Variants in UAP1L1 observed in about 807,000 individuals in gnomAD.
UAP1L1 encodes UDP-N-acetylglucosamine pyrophosphorylase 1 like 1, also known as UDP-N-acetylhexosamine pyrophosphorylase-like protein 1.
A neutral mutation model predicts 45.3 loss-of-function variants in UAP1L1; 45 were observed. The ratio of observed to expected loss-of-function variants is 0.99; its 90% CI spans 0.78 to 1.27. UAP1L1 has a LOEUF of 1.27. Among genes scored for constraint, UAP1L1 ranks in the 50% most tolerant of loss-of-function variants. UAP1L1 has a pLI of 0.00. For synonymous variants in UAP1L1, 323 were observed against 303.9 expected, an observed-to-expected ratio of 1.06 and a Z score of -0.65; for missense variants, 667 against 694.0, an observed-to-expected ratio of 0.96 and a Z score of 0.44.
chr9:137,081,600 A>G (rs915218321), intron 7 of UAP1L1, among the ~76,000 whole-genome samples: 1 of 152,122 alleles, frequency 6.6e-6, no homozygotes, highest in African/African-American at 2.4e-5. Flanking sequence ...TAGGGGATCC[A>G]TCACCCAACC....
chr9:137,077,885 G>C lies in UAP1L1; in HGVS notation c.289+64G>C. ...CGTGCCCACGGAGCGGGTGGGAACC[G>C]AGGCCGCGCTCGGGGAACTGTAGTT... is the stretch of plus-strand genomic sequence containing the variant. On this transcript the variant is annotated intron_variant, in intron 1 of 8. Coordinates refer to ENST00000409858, the MANE Select transcript of UAP1L1 (RefSeq NM_207309.3). The surrounding 1 kb of genome is among the most constrained non-coding windows in gnomAD (Gnocchi z 4.7). 6.8e-7 allele frequency: 1 copy of C among 1,465,012 alleles called. No homozygotes were observed. Among genetic ancestry groups the C allele is most frequent in the Middle Eastern group, 2.5e-4 (1 of 4,052 alleles). The allele number at this position is 1,465,012 out of a possible 1,614,324, so 90.8% of individuals were successfully genotyped here.
chr9:137,079,275 C>T lies in UAP1L1; in HGVS notation c.863C>T (p.Pro288Leu), dbSNP rs138914544. The part of the protein sequence containing the change: ...CGAKVVEKAY[P>L]EEPVGVVCQV... ...CTGCAGGTGGTGGAAAAGGCATACC[C>T]CGAGGAGCCCGTGGGCGTGGTGTGC... The change falls in exon 5 of 9, where the codon CCC (proline) becomes CTC (leucine). Residue 288 changes from proline (P) to leucine (L), a missense_variant. Pro to Leu is a moderately conservative substitution (Grantham distance 98). Coordinates refer to ENST00000409858, the MANE Select transcript of UAP1L1 (RefSeq NM_207309.3). 27 of 1,611,236 alleles carry T rather than the reference C, an allele frequency of 1.7e-5. No homozygotes were observed. The highest frequency in any genetic ancestry group is 1.6e-4 in the Middle Eastern group (1 of 6,068).
In UAP1L1 at chr9:137,082,515, C is replaced by T. The variant is rs1832805245; in HGVS notation, c.1432-122C>T. 1 of 789,720 alleles carries T rather than the reference C, an allele frequency of 1.3e-6. No homozygotes were observed. Among genetic ancestry groups the T allele is most frequent in the Non-Finnish European group, 2.1e-6 (1 of 480,758 alleles). The allele number at this position is 789,720 out of a possible 1,614,324, so 48.9% of individuals were successfully genotyped here. A position where few individuals can be genotyped will look rare whatever the true frequency, so the allele number is the denominator to read the frequency against. The stretch of plus-strand genomic sequence containing the variant: ...GGCCCTGGAAGCCTTTCTGTCCCCA[C>T]CCCTCCCTGACTCCAGGCAGACCTG... On this transcript the variant is annotated intron_variant, in intron 8 of 8. Coordinates refer to ENST00000409858, the MANE Select transcript of UAP1L1 (RefSeq NM_207309.3). This position sits in a 1 kb window ranked among gnomAD's most constrained non-coding sequence, Gnocchi z 5.7.
chr9:137,080,169 C>G, intron 6 of UAP1L1, 27 bp downstream of exon 6: 1 of 1,611,540 alleles, frequency 6.2e-7, no homozygotes, highest in Non-Finnish European at 8.5e-7. Flanking sequence ...ATTTATTTTC[C>G]CCTTCTTCCT....
intron 7 of UAP1L1, among the ~76,000 whole-genome samples, chr9:137,081,507 G>A (rs902899247): frequency 6.6e-6 from 1 of 151,924 alleles, no homozygotes; most frequent in Non-Finnish European, 1.5e-5. Flanking sequence ...CACCTCACCC[G>A]GCTATTTTTT....
In UAP1L1 at chr9:137,077,565, G is replaced by A; in HGVS notation, c.33G>A (p.Leu11=). 2 of 1,394,586 alleles carry A rather than the reference G, an allele frequency of 1.4e-6. No homozygotes were observed. Among genetic ancestry groups the A allele is most frequent in the Non-Finnish European group, 1.9e-6 (2 of 1,067,810 alleles). The allele number at this position is 1,394,586 out of a possible 1,614,324, so 86.4% of individuals were successfully genotyped here. A position where few individuals can be genotyped will look rare whatever the true frequency, so the allele number is the denominator to read the frequency against. MASEQDVRAR[L]QRAGQEHLLR... ...CGGAGCAGGACGTGCGCGCCCGGCT[G>A]CAGCGCGCTGGCCAGGAGCACCTCC... Residue 11 remains leucine (L), a synonymous_variant, in exon 1 of 9, where the codon CTG becomes CTA. Transcript: ENST00000409858. The surrounding 1 kb of genome is among the most constrained non-coding windows in gnomAD (Gnocchi z 4.7).
chr9:137,078,656 GAC>G lies in UAP1L1; in HGVS notation c.651_652del (p.Asp217GlufsTer96). On this transcript the variant is annotated frameshift_variant, in exon 3 of 9. Transcript: ENST00000409858. LOFTEE classifies it high-confidence loss of function. ...FDGKVILERK[D>X]KVAMAPDGNG... Reference sequence around the variant, plus strand: ...TGGCAAGGTTATCCTGGAGCGGAAAGACAAAGTTGCCATGGCCCCAGGTGTGG... The same window carrying G: ...TGGCAAGGTTATCCTGGAGCGGAAAGAAAGTTGCCATGGCCCCAGGTGTGG... The G allele has an allele frequency of 1.2e-6, 2 of 1,612,594 alleles. No individual in the cohort carries two copies. The highest frequency in any genetic ancestry group is 1.7e-6 in the Non-Finnish European group (2 of 1,179,706).
chr9:137,079,001 G>A lies in UAP1L1; in HGVS notation c.696G>A (p.Ala232=), dbSNP rs1311492293. ...ACGGCAACGGGGGCCTCTACTGCGCGCTGGAGGACCACAAGATCCTGGAGG... is the reference window on the plus strand; with the variant it reads ...ACGGCAACGGGGGCCTCTACTGCGCACTGGAGGACCACAAGATCCTGGAGG... ...APDGNGGLYC[A]LEDHKILEDM... The change falls in exon 4 of 9, where the codon GCG becomes GCA. Residue 232 remains alanine (A), a synonymous_variant. Coordinates refer to ENST00000409858, the MANE Select transcript of UAP1L1 (RefSeq NM_207309.3). The A allele has an allele frequency of 5.0e-6, 8 of 1,599,126 alleles. No individual in the cohort carries two copies. Among genetic ancestry groups the A allele is most frequent in the Non-Finnish European group, 6.8e-6 (8 of 1,176,142 alleles).
chr9:137,077,722 C>A lies in UAP1L1; in HGVS notation c.190C>A (p.Pro64Thr). 8.6e-7 allele frequency: 1 copy of A among 1,169,342 alleles called. No individual in the cohort carries two copies. The highest frequency in any genetic ancestry group is 4.2e-5 in the South Asian group (1 of 23,898). The allele number at this position is 1,169,342 out of a possible 1,614,324, so 72.4% of individuals were successfully genotyped here. ...AEACARPHGP[P>T]PDLAARLRPL... is the part of the protein sequence containing the mutation. ...GGCCTGCGCGCGCCCCCACGGCCCG[C>A]CGCCCGACTTGGCCGCGCGCCTGCG... The change falls in exon 1 of 9, where the codon CCG becomes ACG. Residue 64 changes from proline (P) to threonine (T), a missense_variant. Pro to Thr is a conservative substitution (Grantham distance 38). Coordinates refer to ENST00000409858, the MANE Select transcript of UAP1L1 (RefSeq NM_207309.3). The surrounding 1 kb of genome is among the most constrained non-coding windows in gnomAD (Gnocchi z 4.7).
At position 137,082,289 on chromosome 9, in the gene UAP1L1, G is replaced by A; in HGVS notation, c.1431+225G>A. 1.6e-6 allele frequency: 1 copy of A among 610,434 alleles called. No homozygotes were observed. 37.8% of individuals were successfully genotyped at this position (610,434 alleles called of 1,614,324 possible). A position where few individuals can be genotyped will look rare whatever the true frequency, so the allele number is the denominator to read the frequency against. On this transcript the variant is annotated intron_variant, in intron 8 of 8. Transcript: ENST00000409858. The surrounding 1 kb of genome is among the most constrained non-coding windows in gnomAD (Gnocchi z 5.7). ...GAGGGCATGGGGATGAGACAGCCCA[G>A]GTCTGAGCCCAGTGTGGGGCCAGTC...
chr9:137,078,608 C>T lies in UAP1L1; in HGVS notation c.601C>T (p.Leu201=), dbSNP rs188107622. 1.1e-5 allele frequency: 18 copies of T among 1,613,146 alleles called. No individual in the cohort carries two copies. In the East Asian group the frequency reaches 2.9e-4, roughly 26 times the overall value. The stretch of plus-strand genomic sequence containing the variant: ...CAACGTGGTCATGTTTGAGCAGCGC[C>T]TGCTGCCTGCTGTGACCTTTGATGG... The part of the protein sequence containing the change: ...PANVVMFEQR[L]LPAVTFDGKV... Residue 201 remains leucine (L), a synonymous_variant, in exon 3 of 9, where the codon CTG becomes TTG. Transcript: ENST00000409858.
Position 137,082,484 on chromosome 9 carries a change from G to T in UAP1L1, c.1432-153G>T. ...TTGGGTGGCCTTGCAGTGTGTGTCTGCTCCTGGCCCTGGAAGCCTTTCTGT... is the reference window on the plus strand; with the variant it reads ...TTGGGTGGCCTTGCAGTGTGTGTCTTCTCCTGGCCCTGGAAGCCTTTCTGT... On this transcript the variant is annotated intron_variant, in intron 8 of 8. Coordinates refer to ENST00000409858, the MANE Select transcript of UAP1L1 (RefSeq NM_207309.3). This position sits in a 1 kb window ranked among gnomAD's most constrained non-coding sequence, Gnocchi z 5.7. The T allele has an allele frequency of 1.5e-6, 1 of 647,900 alleles. No individual in the cohort carries two copies. Among genetic ancestry groups the T allele is most frequent in the Non-Finnish European group, 2.7e-6 (1 of 366,964 alleles). 40.1% of individuals were successfully genotyped at this position (647,900 alleles called of 1,614,324 possible).
rs139486746 is a variant in UAP1L1 at position 137,080,819 on chromosome 9, C to T, written c.1309C>T (p.Arg437Trp). ...CACCCAGCACTACCGGTGGGCTCTG[C>T]GGGCCGGGGCCCGCTTCCTGGATGC... ...LLTQHYRWAL[R>W]AGARFLDAHG... The change falls in exon 7 of 9, where the codon CGG (arginine) becomes TGG (tryptophan). Residue 437 changes from arginine (R) to tryptophan (W), a missense_variant. Coordinates refer to ENST00000409858, the MANE Select transcript of UAP1L1 (RefSeq NM_207309.3). 49 of 1,610,070 alleles carry T rather than the reference C, an allele frequency of 3.0e-5. No individual in the cohort carries two copies. Among genetic ancestry groups the T allele is most frequent in the South Asian group, 5.5e-5 (5 of 91,018 alleles).
In UAP1L1 at chr9:137,082,842, C is replaced by T. The variant is rs1015065587; in HGVS notation, c.*113C>T. On this transcript the variant is annotated 3_prime_UTR_variant, in exon 9 of 9. Transcript: ENST00000409858. This position sits in a 1 kb window ranked among gnomAD's most constrained non-coding sequence, Gnocchi z 5.7. ...GCGTCCTGGAGCTGGGGGCTACAGC[C>T]CAGCCTGAGCTCTGGGTGGGAAAGC... is the stretch of plus-strand genomic sequence containing the variant. 3 of 807,094 alleles carry T rather than the reference C, an allele frequency of 3.7e-6. No homozygotes were observed. The highest frequency in any genetic ancestry group is 5.9e-6 in the Non-Finnish European group (3 of 505,496). The allele number at this position is 807,094 out of a possible 1,614,324, so 50.0% of individuals were successfully genotyped here. A position where few individuals can be genotyped will look rare whatever the true frequency, so the allele number is the denominator to read the frequency against.
At chr9:137,078,011 C>T (rs763306950) in intron 1 of UAP1L1, 39 bp from the exon 2 acceptor site, 52 of 1,541,588 alleles carry the variant, frequency 3.4e-5, no homozygotes, top group Non-Finnish European at 4.4e-5. Flanking sequence ...GAAGGGTGGG[C>T]GGGTCCCGGG....
At position 137,079,425 on chromosome 9, in the gene UAP1L1, G is replaced by A; in HGVS notation, c.1013G>A (p.Arg338Gln). The A allele has an allele frequency of 1.2e-5, 19 of 1,596,594 alleles. No individual in the cohort carries two copies. Among genetic ancestry groups the A allele is most frequent in the Non-Finnish European group, 1.6e-5 (19 of 1,167,786 alleles). ...AGNICNHFFT[R>Q]GFLKAVTREF... ...AACATCTGCAACCACTTCTTCACCC[G>A]AGGCTTCCTTAAGGCGGTCACCAGG... is the stretch of plus-strand genomic sequence containing the variant. The change falls in exon 5 of 9, where the codon CGA (arginine) becomes CAA (glutamine). Residue 338 changes from arginine to glutamine, a missense_variant. Coordinates refer to ENST00000409858, the MANE Select transcript of UAP1L1 (RefSeq NM_207309.3).
chr9:137,077,809 T>C lies in UAP1L1; in HGVS notation c.277T>C (p.Trp93Arg), dbSNP rs1588570298. Residue 93 changes from tryptophan to arginine, a missense_variant, in exon 1 of 9, where the codon TGG becomes CGG. Trp to Arg is a moderately radical substitution (Grantham distance 101). Transcript: ENST00000409858. The surrounding 1 kb of genome is among the most constrained non-coding windows in gnomAD (Gnocchi z 4.7). Reference protein sequence around the residue: ...SRSDPETRRRWEEEGFRQISL... With the variant: ...SRSDPETRRRREEEGFRQISL... Reference sequence around the variant, plus strand: ...CAGCGACCCCGAGACACGGCGGCGCTGGGAGGAGGAAGGTAAGCGGGGTGG... The same window carrying C: ...CAGCGACCCCGAGACACGGCGGCGCCGGGAGGAGGAAGGTAAGCGGGGTGG... 64 of 1,287,050 alleles carry C rather than the reference T, an allele frequency of 5.0e-5. No individual in the cohort carries two copies. The highest frequency in any genetic ancestry group is 4.7e-4 in the South Asian group (19 of 40,694). 79.7% of individuals were successfully genotyped at this position (1,287,050 alleles called of 1,614,324 possible).
rs374708867 is a variant in UAP1L1, at chr9:137,082,213, A to G, written c.1431+149A>G. 6.3e-6 allele frequency: 5 copies of G among 789,520 alleles called. No individual in the cohort carries two copies. In the African/African-American group the frequency reaches 8.5e-5, roughly 13 times the overall value. The allele number at this position is 789,520 out of a possible 1,614,324, so 48.9% of individuals were successfully genotyped here. On this transcript the variant is annotated intron_variant, in intron 8 of 8. Coordinates refer to ENST00000409858, the MANE Select transcript of UAP1L1 (RefSeq NM_207309.3). The surrounding 1 kb of genome is among the most constrained non-coding windows in gnomAD (Gnocchi z 5.7). ...GTTTAAATTTGCAGAAGACTTTCCA[A>G]GATATGGGTTGGGGTGGGGTGAGGC... is the stretch of plus-strand genomic sequence containing the variant.
Position 137,082,152 on chromosome 9 carries a change from G to A in UAP1L1, c.1431+88G>A. On this transcript the variant is annotated intron_variant, in intron 8 of 8. Transcript: ENST00000409858. The surrounding 1 kb of genome is among the most constrained non-coding windows in gnomAD (Gnocchi z 5.7). ...AGAGGTGGCTGCTCGGGTGGAGACG[G>A]CACAGCTCTACCTCGGTTAACCAAT... is the stretch of plus-strand genomic sequence containing the variant. The A allele has an allele frequency of 2.4e-6, 3 of 1,273,258 alleles. No homozygotes were observed. Among genetic ancestry groups the A allele is most frequent in the Non-Finnish European group, 3.4e-6 (3 of 869,814 alleles). The allele number at this position is 1,273,258 out of a possible 1,614,324, so 78.9% of individuals were successfully genotyped here.
Sources: allele counts gnomAD v4.1 joint callset (sites outside exome capture counted in the v4.1 genomes callset), GRCh38; gene constraint gnomAD v4.1.1; non-coding constraint Gnocchi (gnomAD v3.1); transcripts MANE v1.5; gene names NCBI Gene and HGNC (gene_info 2026-07-23, HGNC 2026-07-21).